SNRNP40: variants seen among roughly 807,000 people sequenced by gnomAD.
SNRNP40 encodes U5 small nuclear ribonucleoprotein 40 kDa protein.
A neutral mutation model predicts 45.8 loss-of-function variants in SNRNP40; 21 were observed. That is an observed-to-expected ratio of 0.46 (90% CI 0.32 to 0.66). The LOEUF (loss-of-function observed/expected upper bound fraction) is 0.66. Ranked by LOEUF, SNRNP40 falls within the 30% of genes least tolerant of loss-of-function variation. The pLI, the probability that SNRNP40 is intolerant of heterozygous loss-of-function variation, is 0.03. For missense variants in SNRNP40, 344 were observed against 439.1 expected (o/e 0.78, Z 1.94); for synonymous variants, 142 against 163.8 (o/e 0.87, Z 1.01).
intron 5 of SNRNP40, among the ~76,000 whole-genome samples, chr1:31,275,369 C>A (rs1645967582): frequency 6.6e-6 from 1 of 152,118 alleles, no homozygotes; most frequent in Non-Finnish European, 1.5e-5. Flanking sequence ...AGAGCAATTA[C>A]TCTCCCCTCT....
At chr1:31,271,520 C>T (rs768453367) in intron 5 of SNRNP40, 21 bp from the exon 6 acceptor site, 40 of 1,590,446 alleles carry the variant, frequency 2.5e-5, no homozygotes, top group Non-Finnish European at 3.2e-5. Flanking sequence ...AGAAAGGTGC[C>T]CCCAGAAATC....
At chr1:31,294,108 C>T (rs1276485969) in intron 1 of SNRNP40, among the ~76,000 whole-genome samples, 3 of 151,974 alleles carry the variant, frequency 2.0e-5, no homozygotes, top group African/African-American at 4.8e-5. Context: ...CAGGCATGCA[C>T]AACCACGCCC....
At chr1:31,284,337 C>T (rs1557678668) in intron 4 of SNRNP40, among the ~76,000 whole-genome samples, 1 of 152,112 alleles carries the variant, frequency 6.6e-6, no homozygotes, top group Admixed American at 6.6e-5. Flanking sequence ...TTAGAAGAGA[C>T]GGGGGTTTCA....
rs907322303 is a variant in SNRNP40, at chr1:31,296,701, G to A, written c.51C>T (p.Val17=). 2 of 1,613,792 alleles carry A rather than the reference G, an allele frequency of 1.2e-6. No individual in the cohort carries two copies. Among genetic ancestry groups the A allele is most frequent in the Admixed American group, 3.3e-5 (2 of 59,978 alleles). Residue 17 remains valine, a synonymous_variant, in exon 1 of 10, where the codon GTC becomes GTT. Coordinates refer to ENST00000263694, the MANE Select transcript of SNRNP40 (RefSeq NM_004814.3). ...RKGPELPLVP[V]KRQRHELLLG... ...ACAGCAACTCATGCCGCTGCCGCTT[G>A]ACTGGAACCAGCGGCAACTCTGGGC...
At chr1:31,270,082 T>C (rs1004350565) in intron 6 of SNRNP40, among the ~76,000 whole-genome samples, 2 of 152,130 alleles carry the variant, frequency 1.3e-5, no homozygotes, top group East Asian at 1.9e-4. Flanking sequence ...TTTGTATTTT[T>C]AGTAGAGATG....
At chr1:31,277,067 T>G (rs1569650964) in intron 5 of SNRNP40, among the ~76,000 whole-genome samples, 1 of 151,576 alleles carries the variant, frequency 6.6e-6, no homozygotes, top group Middle Eastern at 3.4e-3. Flanking sequence ...CATAGTGGCA[T>G]GTACCTATAG....
At chr1:31,291,223 G>A (rs894516592) in intron 3 of SNRNP40, among the ~76,000 whole-genome samples, 4 of 148,886 alleles carry the variant, frequency 2.7e-5, no homozygotes, top group Non-Finnish European at 5.9e-5. Context: ...GGGAGGCGGA[G>A]GTTGCAGTGA....
chr1:31,288,437 ATG>A (rs1370429728), intron 4 of SNRNP40, among the ~76,000 whole-genome samples: 18 of 152,212 alleles, frequency 1.2e-4, no homozygotes, highest in Non-Finnish European at 2.1e-4. Context: ...GGCTCCCAGA[ATG>A]TGAGACTGGC....
At chr1:31,260,200 C>G (rs1351988135) in intron 9 of SNRNP40, 79 bp from the exon 10 acceptor site, 1 of 945,998 alleles carries the variant, frequency 1.1e-6, no homozygotes, top group Non-Finnish European at 1.6e-6. Flanking sequence ...GTGTCAAGAG[C>G]CAATTCTGGT....
chr1:31,294,456 T>C (rs992734285), intron 1 of SNRNP40, among the ~76,000 whole-genome samples: 1 of 151,468 alleles, frequency 6.6e-6, no homozygotes, highest in African/African-American at 2.4e-5. Flanking sequence ...TCATATTTAT[T>C]TATTTATTTA....
At chr1:31,288,033 T>G (rs1427278904) in intron 4 of SNRNP40, among the ~76,000 whole-genome samples, 1 of 151,706 alleles carries the variant, frequency 6.6e-6, no homozygotes, top group East Asian at 1.9e-4. Context: ...TATGGTGGTG[T>G]GCACCTGTAA....
At chr1:31,264,957 T>C (rs1053123875) in intron 8 of SNRNP40, among the ~76,000 whole-genome samples, 37 of 152,280 alleles carry the variant, frequency 2.4e-4, no homozygotes, top group African/African-American at 7.5e-4. Context: ...GAGGGGTTCC[T>C]TGCCCTCTCC....
At chr1:31,292,034 T>C in intron 2 of SNRNP40, 28 bp from the exon 3 acceptor site, 10 of 1,406,416 alleles carry the variant, frequency 7.1e-6, no homozygotes, top group Non-Finnish European at 1.0e-5. Context: ...TCTGTGAGCA[T>C]TACTAGGCAA....
At chr1:31,276,406 T>C (rs1480281416) in intron 5 of SNRNP40, among the ~76,000 whole-genome samples, 3 of 152,034 alleles carry the variant, frequency 2.0e-5, no homozygotes. Flanking sequence ...AAAATGATTC[T>C]AACTACAATT....
At chr1:31,288,921 C>T (rs80162939) in intron 4 of SNRNP40, among the ~76,000 whole-genome samples, 3,800 of 152,182 alleles carry the variant, frequency 0.025, 207 homozygotes, top group East Asian at 0.18. Context: ...TTAGTAGAGA[C>T]GGGGTTTCAC....
Position 31,281,310 on chromosome 1 carries a change from TG to T in SNRNP40, c.654+63del. On this transcript the variant is annotated intron_variant, in intron 5 of 9. Transcript: ENST00000263694. ...CAAAGCTACCACAATCTCAGAAGTT[TG>T]AAAAAATTCGTTTCTAAGTGCAGAT... The T allele has an allele frequency of 2.8e-6, 4 of 1,428,884 alleles. No homozygotes were observed. The South Asian group carries it at 5.5e-5, about 20-fold the overall frequency. The allele number at this position is 1,428,884 out of a possible 1,614,324, so 88.5% of individuals were successfully genotyped here.
At chr1:31,266,147 T>G (rs1346068931) in intron 8 of SNRNP40, among the ~76,000 whole-genome samples, 1 of 152,104 alleles carries the variant, frequency 6.6e-6, no homozygotes, top group Non-Finnish European at 1.5e-5. Flanking sequence ...AAAAGTAGAC[T>G]CTGGAATTTA....
chr1:31,271,856 G>C (rs751758549), intron 5 of SNRNP40, among the ~76,000 whole-genome samples: 7 of 151,984 alleles, frequency 4.6e-5, no homozygotes, highest in Non-Finnish European at 1.0e-4. Context: ...GGCTAGTCTT[G>C]AACTCCCGAG....
chr1:31,292,786 A>C (rs1283469599), intron 2 of SNRNP40: 3 of 163,700 alleles, frequency 1.8e-5, no homozygotes, highest in Non-Finnish European at 2.7e-5. Context: ...TAGATTATTT[A>C]AGGGAGTTAC....
Sources: gnomAD v4.1 joint callset for allele counts (sites outside exome capture counted in the v4.1 genomes callset) on GRCh38, gnomAD v4.1.1 for gene constraint, MANE v1.5 for transcripts, NCBI Gene and HGNC (gene_info 2026-07-23, HGNC 2026-07-21) for gene names.